The following HECTD4 variants were observed in gnomAD, a reference collection of about 807,000 sequenced individuals.
HECTD4 encodes probable E3 ubiquitin-protein ligase HECTD4.
HECTD4 carries 114 observed loss-of-function variants against 471.5 expected under a neutral mutation model. The ratio of observed to expected loss-of-function variants is 0.24; its 90% CI spans 0.21 to 0.28. The LOEUF (loss-of-function observed/expected upper bound fraction) is 0.28. Among genes scored for constraint, HECTD4 ranks in the 10% least tolerant of loss-of-function variants. The probability of loss-of-function intolerance (pLI) is 1.00; values close to 1 mark genes in which losing one functional copy is unlikely to be tolerated. For synonymous variants in HECTD4, 2,012 were observed against 2,256.0 expected (o/e 0.89, Z 3.07); for missense variants, 3,866 against 5,651.5 (o/e 0.68, Z 10.13).
rs769007142 is a variant in HECTD4, at chr12:112,193,177, C to A, written c.8970G>T (p.Gln2990His). 6.2e-7 allele frequency: 1 copy of A among 1,613,796 alleles called. No individual in the cohort carries two copies. The highest frequency in any genetic ancestry group is 1.3e-5 in the African/African-American group (1 of 74,902). ...ICSFLQTAPEQFPSEEFPISE... is the reference protein window; with the variant it reads ...ICSFLQTAPEHFPSEEFPISE... ...AAATTGGGAACTCTTCGGAGGGGAACTGCTCTGGTGCTGTCTGCAAAGAGA... is the reference window on the plus strand; with the variant it reads ...AAATTGGGAACTCTTCGGAGGGGAAATGCTCTGGTGCTGTCTGCAAAGAGA... Residue 2990 changes from glutamine (Q) to histidine (H), a missense_variant, in exon 58 of 76, where the codon CAG becomes CAT. Gln to His is a conservative substitution (Grantham distance 24, BLOSUM62 0). Coordinates refer to ENST00000682272, the MANE Select transcript of HECTD4 (RefSeq NM_001388303.1). The surrounding 1 kb of genome is among the most constrained non-coding windows in gnomAD (Gnocchi z 5.2).
intron 20 of HECTD4, among the ~76,000 whole-genome samples, chr12:112,257,863 T>C (rs976270859): frequency 1.3e-5 from 2 of 152,122 alleles, no homozygotes; most frequent in Non-Finnish European, 1.5e-5. Flanking sequence ...AGTGAAATAG[T>C]TGGGTCATAC....
intron 60 of HECTD4, 129 bp downstream of exon 60, chr12:112,190,657 C>A: frequency 2.8e-6 from 2 of 717,860 alleles, no homozygotes; most frequent in Non-Finnish European, 4.5e-6. Flanking sequence ...TGACAGCAAT[C>A]TGAAGGAGGC....
At chr12:112,333,869 A>G (rs1254947783) in intron 1 of HECTD4, among the ~76,000 whole-genome samples, 1 of 152,124 alleles carries the variant, frequency 6.6e-6, no homozygotes. Context: ...TCTCATATGT[A>G]TTCTACACCT....
chr12:112,302,975 GCT>G (rs1456783390), intron 7 of HECTD4, among the ~76,000 whole-genome samples: 1 of 134,728 alleles, frequency 7.4e-6, no homozygotes, highest in African/African-American at 2.8e-5. Context: ...TATTTTGTCT[GCT>G]CTTTTTTTTT....
intron 7 of HECTD4, among the ~76,000 whole-genome samples, chr12:112,297,032 A>G (rs1010366703): frequency 6.1e-5 from 9 of 147,698 alleles, no homozygotes; most frequent in Middle Eastern, 3.8e-3. Context: ...CAGAAGGTGT[A>G]GGTGCAGTGG....
intron 1 of HECTD4, among the ~76,000 whole-genome samples, chr12:112,326,418 A>G (rs1161039191): frequency 6.6e-6 from 1 of 152,152 alleles, no homozygotes; most frequent in African/African-American, 2.4e-5. Flanking sequence ...GCTTAAGCCC[A>G]GGAGTTCAAG....
chr12:112,163,364 G>A lies in HECTD4; in HGVS notation c.12898-100C>T. On this transcript the variant is annotated intron_variant, in intron 74 of 75. Coordinates refer to ENST00000682272, the MANE Select transcript of HECTD4 (RefSeq NM_001388303.1). The surrounding 1 kb of genome is among the most constrained non-coding windows in gnomAD (Gnocchi z 8.2). ...CAGGCCAGGCCCAATCCTGGGGCAG[G>A]GTGCAACGTGTGGGCTGTGAGCACA... 8.4e-7 allele frequency: 1 copy of A among 1,186,390 alleles called. No individual in the cohort carries two copies. Among genetic ancestry groups the A allele is most frequent in the Non-Finnish European group, 1.2e-6 (1 of 843,976 alleles). 73.5% of individuals were successfully genotyped at this position (1,186,390 alleles called of 1,614,324 possible). A position where few individuals can be genotyped will look rare whatever the true frequency, so the allele number is the denominator to read the frequency against.
At chr12:112,261,480 G>A (rs192252568) in intron 17 of HECTD4, 51 bp from the exon 18 acceptor site, 39 of 1,500,384 alleles carry the variant, frequency 2.6e-5, no homozygotes, top group Admixed American at 5.3e-5. Flanking sequence ...ATGAACATAC[G>A]TTCACAATGA....
chr12:112,170,162 G>T (rs2031155670), intron 69 of HECTD4, 171 bp downstream of exon 69: 1 of 889,940 alleles, frequency 1.1e-6, no homozygotes, highest in Non-Finnish European at 1.7e-6. Context: ...CCCCTTCCCT[G>T]AGCTCCTGAG....
chr12:112,263,884 T>C (rs766209055), intron 17 of HECTD4, among the ~76,000 whole-genome samples, 200 bp downstream of exon 17: 26 of 152,086 alleles, frequency 1.7e-4, no homozygotes, highest in Admixed American at 2.6e-4. Context: ...AGCACACGGA[T>C]GACACATTAT....
intron 1 of HECTD4, among the ~76,000 whole-genome samples, chr12:112,354,823 C>A (rs1306449025): frequency 1.3e-5 from 2 of 152,068 alleles, no homozygotes; most frequent in Admixed American, 6.6e-5. Context: ...TTATTCCAAT[C>A]CTAGTTCAAT....
chr12:112,195,998 C>CA (rs1485511930), intron 55 of HECTD4, among the ~76,000 whole-genome samples: 4 of 152,194 alleles, frequency 2.6e-5, no homozygotes, highest in Admixed American at 6.5e-5. Context: ...TCCCTCTCTA[C>CA]AAAAAATAGA....
rs967654826 is a variant in HECTD4 at position 112,279,082 on chromosome 12, C to T, written c.1687+146G>A. On this transcript the variant is annotated intron_variant, in intron 9 of 75. Coordinates refer to ENST00000682272, the MANE Select transcript of HECTD4 (RefSeq NM_001388303.1). ...AATTATATTGTTAAATCTTCCTAGC[C>T]TATTTGATAATTGGTATTTTTTGTT... 1.2e-5 allele frequency: 8 copies of T among 652,078 alleles called. No homozygotes were observed. In the Admixed American group the frequency reaches 2.1e-4, roughly 17 times the overall value. The allele number at this position is 652,078 out of a possible 1,614,324, so 40.4% of individuals were successfully genotyped here.
intron 55 of HECTD4, among the ~76,000 whole-genome samples, chr12:112,196,243 A>C (rs1014352627): frequency 1.3e-5 from 2 of 152,200 alleles, no homozygotes; most frequent in African/African-American, 4.8e-5. Context: ...TCATAATTCA[A>C]ATTTAGGTGT....
intron 60 of HECTD4, 45 bp from the exon 61 acceptor site, chr12:112,185,538 G>T: frequency 3.5e-6 from 5 of 1,425,408 alleles, no homozygotes; most frequent in Non-Finnish European, 4.8e-6. Flanking sequence ...TGCAGCACTG[G>T]CTATGTTCCA....
chr12:112,267,947 A>G (rs538577199), intron 13 of HECTD4, among the ~76,000 whole-genome samples: 1 of 152,194 alleles, frequency 6.6e-6, no homozygotes, highest in African/African-American at 2.4e-5. Context: ...CAGTCTCCCA[A>G]ATAGCTGGGA....
chr12:112,279,052 CAA>C (rs2034583288), intron 9 of HECTD4, among the ~76,000 whole-genome samples, 174 bp downstream of exon 9: 1 of 152,142 alleles, frequency 6.6e-6, no homozygotes, highest in Non-Finnish European at 1.5e-5. Flanking sequence ...ATGCCATCCA[CAA>C]AAAATTATAT....
At position 112,237,003 on chromosome 12, in the gene HECTD4, G is replaced by C. The variant is rs758451108; in HGVS notation, c.5386C>G (p.Gln1796Glu). 3.1e-6 allele frequency: 5 copies of C among 1,612,602 alleles called. No individual in the cohort carries two copies. The South Asian group carries it at 5.5e-5, about 18-fold the overall frequency. ...TGGAGCGCGTCATTCCCAGCAGCCT[G>C]GTTGCCACAGCACTCTGTGGCTCGG... is the stretch of plus-strand genomic sequence containing the variant. ...LARATECCGN[Q>E]AAGNDALQDV... Residue 1796 changes from glutamine (Q) to glutamate (E), a missense_variant, in exon 35 of 76, where the codon CAG becomes GAG. Transcript: ENST00000682272.
intron 1 of HECTD4, among the ~76,000 whole-genome samples, chr12:112,342,025 C>T (rs1275045416): frequency 6.6e-6 from 1 of 152,192 alleles, no homozygotes; most frequent in East Asian, 1.9e-4. Flanking sequence ...TAAATTGGCT[C>T]ATAACCTATA....
Sources: gnomAD v4.1 joint callset for allele counts (sites outside exome capture counted in the v4.1 genomes callset) on GRCh38, gnomAD v4.1.1 for gene constraint, Gnocchi (gnomAD v3.1) non-coding constraint, MANE v1.5 for transcripts, NCBI Gene and HGNC (gene_info 2026-07-23, HGNC 2026-07-21) for gene names.